Variants in RBFOX1 observed in about 807,000 individuals in gnomAD.
The protein encoded by RBFOX1 is RNA binding fox-1 homolog 1.
A neutral mutation model predicts 57.7 loss-of-function variants in RBFOX1; 8 were observed. That is an observed-to-expected ratio of 0.14 (90% CI 0.08 to 0.25). The LOEUF (loss-of-function observed/expected upper bound fraction) is 0.25, where lower values mean the gene tolerates loss of function less well. RBFOX1 is among the 10% of genes least tolerant of loss of function. The pLI is 1.00. For synonymous variants in RBFOX1, 326 were observed against 222.4 expected (o/e 1.47, Z -4.15); for missense variants, 611 against 548.5 (o/e 1.11, Z -1.14).
At chr16:7,657,878 G>C (rs986201755) in intron 12 of RBFOX1, among the ~76,000 whole-genome samples, 1 of 152,186 alleles carries the variant, frequency 6.6e-6, no homozygotes, top group Non-Finnish European at 1.5e-5. Context: ...TGAGACTGAA[G>C]AGTTAGAAAG....
In RBFOX1 at chr16:6,303,169, G is replaced by T. The variant is rs562088123; in HGVS notation, c.-126-13826G>T. Among the ~76,000 whole-genome samples the T allele has an allele frequency of 5.3e-5, 8 of 152,300 alleles. No individual in the cohort carries two copies. In the South Asian group the frequency reaches 1.5e-3, roughly 28 times the overall value. ...GTAGTTGTGAGACCTTTCTCAGGTT[G>T]AAATGAATTCTGATAAGCTGATTAT... On this transcript the variant is annotated intron_variant, in intron 1 of 15. Transcript: ENST00000550418.
chr16:6,443,750 T>TCCATCTAC (rs538724580), intron 2 of RBFOX1, among the ~76,000 whole-genome samples: 5 of 150,986 alleles, frequency 3.3e-5, no homozygotes, highest in African/African-American at 7.4e-5. Context: ...TTTCCATCTG[T>TCCATCTAC]CCATCTACCC....
At chr16:5,490,982 C>A (rs1207169507) in intron 2 of RBFOX1, among the ~76,000 whole-genome samples, 1 of 151,956 alleles carries the variant, frequency 6.6e-6, no homozygotes, top group Non-Finnish European at 1.5e-5. Context: ...ATATTTTTTT[C>A]CATATAGAAA....
intron 4 of RBFOX1, among the ~76,000 whole-genome samples, chr16:7,181,435 T>A (rs989000668): frequency 4.6e-5 from 7 of 152,162 alleles, no homozygotes; most frequent in Non-Finnish European, 7.3e-5. Context: ...TAGGGTGCTT[T>A]TACATTTTGG....
intron 1 of RBFOX1, among the ~76,000 whole-genome samples, chr16:6,022,172 G>A (rs1018339066): frequency 2.6e-5 from 4 of 152,040 alleles, no homozygotes; most frequent in African/African-American, 9.7e-5. Flanking sequence ...AGTTTTTGCA[G>A]CAGTTGTACA....
At chr16:5,936,792 CAG>C (rs2059177033) in intron 4 of RBFOX1, among the ~76,000 whole-genome samples, 1 of 152,138 alleles carries the variant, frequency 6.6e-6, no homozygotes, top group Non-Finnish European at 1.5e-5. Flanking sequence ...GTTTCTGCAG[CAG>C]AGACAGCACA....
At chr16:7,249,099 G>A (rs1245979574) in intron 4 of RBFOX1, among the ~76,000 whole-genome samples, 1 of 152,134 alleles carries the variant, frequency 6.6e-6, no homozygotes, top group Non-Finnish European at 1.5e-5. Flanking sequence ...GGGAGGGGAA[G>A]AGAGAAATGG....
At chr16:5,255,368 C>CCATG (rs1035693187) in intron 1 of RBFOX1, among the ~76,000 whole-genome samples, 2 of 151,866 alleles carry the variant, frequency 1.3e-5, no homozygotes, top group African/African-American at 4.8e-5. Context: ...ATCCATCCAT[C>CCATG]CATCCATCCA....
chr16:6,830,487 A>G (rs563016745), intron 3 of RBFOX1, among the ~76,000 whole-genome samples: 29 of 152,166 alleles, frequency 1.9e-4, no homozygotes, highest in Non-Finnish European at 3.2e-4. Flanking sequence ...AGCATCCTCT[A>G]TGCCAGGAGT....
chr16:6,938,890 C>G (rs1003154611), intron 3 of RBFOX1, among the ~76,000 whole-genome samples: 8 of 152,138 alleles, frequency 5.3e-5, no homozygotes, highest in Admixed American at 4.6e-4. Context: ...CGAGATTGCA[C>G]CACTGCACTC....
intron 14 of RBFOX1, among the ~76,000 whole-genome samples, chr16:7,692,546 T>C (rs2077578693): frequency 6.6e-6 from 1 of 152,158 alleles, no homozygotes; most frequent in African/African-American, 2.4e-5. Flanking sequence ...TTTTGAGGCA[T>C]TTACGAACCT....
chr16:7,542,228 G>A (rs1240286650), intron 5 of RBFOX1, among the ~76,000 whole-genome samples: 2 of 152,248 alleles, frequency 1.3e-5, no homozygotes, highest in Non-Finnish European at 2.9e-5. Context: ...ACTGGTCAAA[G>A]GGGAAAGAAA....
intron 2 of RBFOX1, among the ~76,000 whole-genome samples, chr16:5,522,300 T>C (rs2044052547): frequency 6.6e-6 from 1 of 152,246 alleles, no homozygotes; most frequent in Admixed American, 6.5e-5. Context: ...GGTCTCATAA[T>C]AGAGCTCATC....
intron 3 of RBFOX1, among the ~76,000 whole-genome samples, chr16:7,014,472 C>G (rs1256858960): frequency 1.3e-5 from 2 of 151,300 alleles, no homozygotes; most frequent in Non-Finnish European, 2.9e-5. Flanking sequence ...ATCTCGAACT[C>G]CTGACCTCAG....
intron 4 of RBFOX1, among the ~76,000 whole-genome samples, chr16:7,391,990 C>T (rs1414559394): frequency 1.3e-5 from 2 of 152,178 alleles, no homozygotes; most frequent in South Asian, 2.1e-4. Context: ...AATACAAGCT[C>T]TCTCTGTCTT....
chr16:6,224,403 G>A (rs1230990607), intron 1 of RBFOX1, among the ~76,000 whole-genome samples: 1 of 152,056 alleles, frequency 6.6e-6, no homozygotes, highest in African/African-American at 2.4e-5. Flanking sequence ...AGTTCTCCTT[G>A]AAGAGGTCCT....
At chr16:5,775,924 G>C (rs1356071387) in intron 3 of RBFOX1, among the ~76,000 whole-genome samples, 1 of 152,186 alleles carries the variant, frequency 6.6e-6, no homozygotes, top group African/African-American at 2.4e-5. Context: ...TCTGGACCTT[G>C]AGGTGCCCCT....
At chr16:5,701,372 G>A (rs868098947) in intron 3 of RBFOX1, among the ~76,000 whole-genome samples, 4 of 152,216 alleles carry the variant, frequency 2.6e-5, no homozygotes, top group South Asian at 2.1e-4. Context: ...GACTTCTTGG[G>A]AGAATATATT....
intron 3 of RBFOX1, among the ~76,000 whole-genome samples, chr16:5,669,405 G>A (rs981658024): frequency 9.6e-5 from 14 of 145,324 alleles, no homozygotes; most frequent in African/African-American, 3.5e-4. Context: ...CTGCCAAAGA[G>A]AATGAGAACA....
Sources: gnomAD v4.1 joint callset for allele counts (sites outside exome capture counted in the v4.1 genomes callset) on GRCh38, gnomAD v4.1.1 for gene constraint, MANE v1.5 for transcripts, NCBI Gene and HGNC (gene_info 2026-07-23, HGNC 2026-07-21) for gene names.